Variants in AKT1S1 observed in about 807,000 individuals in gnomAD.
The protein encoded by AKT1S1 is AKT1 substrate 1.
Under a neutral mutation model 21.2 loss-of-function variants are expected in AKT1S1, and 17 were observed. The ratio of observed to expected loss-of-function variants is 0.80; its 90% CI spans 0.55 to 1.20. The LOEUF (loss-of-function observed/expected upper bound fraction) is 1.20, where lower values mean the gene tolerates loss of function less well. AKT1S1 is among the 50% of genes most tolerant of loss of function. AKT1S1 has a pLI of 0.00. For synonymous variants in AKT1S1, 181 were observed against 165.6 expected (o/e 1.09, Z -0.72); for missense variants, 366 against 368.3 (o/e 0.99, Z 0.05).
chr19:49,876,278 G>A, intron 1 of AKT1S1: 1 of 1,169,048 alleles, frequency 8.6e-7, no homozygotes, highest in Non-Finnish European at 1.1e-6. Flanking sequence ...AGGACCGGAA[G>A]TCCCGCCTTT....
intron 1 of AKT1S1, among the ~76,000 whole-genome samples, chr19:49,875,467 A>C (rs1480303862): frequency 6.6e-6 from 1 of 152,140 alleles, no homozygotes; most frequent in Admixed American, 6.5e-5. Context: ...AACCCCACTG[A>C]ACTGGGGGGT....
intron 2 of AKT1S1, 47 bp downstream of exon 2, chr19:49,872,870 G>A (rs767951267): frequency 4.5e-6 from 7 of 1,561,094 alleles, no homozygotes; most frequent in Admixed American, 3.6e-5. Context: ...CCTCCTGCGG[G>A]CACCTCAAGC....
At chr19:49,876,304 G>A in intron 1 of AKT1S1, 9 of 1,194,192 alleles carry the variant, frequency 7.5e-6, no homozygotes, top group Non-Finnish European at 9.3e-6. Context: ...GGTGAGGGGC[G>A]CCCCGAGGCC....
At chr19:49,872,595 C>T (rs1295010576) in intron 2 of AKT1S1, among the ~76,000 whole-genome samples, 1 of 152,126 alleles carries the variant, frequency 6.6e-6, no homozygotes, top group Non-Finnish European at 1.5e-5. Context: ...CATGACCTGC[C>T]CCAGAGCCTC....
intron 1 of AKT1S1, chr19:49,876,726 G>T: frequency 7.2e-7 from 1 of 1,397,182 alleles, no homozygotes; most frequent in South Asian, 1.5e-5. Flanking sequence ...CCTTATCGGG[G>T]CCGCCCGAGA....
At position 49,872,947 on chromosome 19, in the gene AKT1S1, C is replaced by T. The variant is rs200993018; in HGVS notation, c.349G>A (p.Gly117Arg). 402 of 1,603,652 alleles carry T rather than the reference C, an allele frequency of 2.5e-4. 3 individuals carry two copies. The East Asian group carries it at 7.9e-3, about 32-fold the overall frequency. The change falls in exon 2 of 5, where the codon GGG becomes AGG. Residue 117 changes from glycine to arginine, a missense_variant. Physicochemically the swap from Gly to Arg is moderately radical, Grantham distance 125. Coordinates refer to ENST00000344175, the MANE Select transcript of AKT1S1 (RefSeq NM_001098633.4). ...EDEPTETETS[G>R]EQLGISDNGG... ...TTATCACTAATGCCCAGCTGCTCCC[C>T]GGAGGTCTCTGTCTCTGTGGGCTCA...
intron 4 of AKT1S1, 44 bp from the exon 5 acceptor site, chr19:49,870,104 T>A: frequency 6.8e-7 from 1 of 1,462,380 alleles, no homozygotes; most frequent in South Asian, 1.4e-5. Flanking sequence ...GGCAGGGCAA[T>A]CCCCCTGCAC....
intron 4 of AKT1S1, 134 bp downstream of exon 4, chr19:49,871,413 C>A: frequency 8.2e-7 from 1 of 1,222,874 alleles, no homozygotes; most frequent in South Asian, 1.3e-5. Flanking sequence ...TCCAAGAACT[C>A]GCCTCTTGAG....
Position 49,873,541 on chromosome 19 carries a change from T to C in AKT1S1, c.-7-239A>G. ...ACCCATTCCTCCTGCCCCAAGTCAC[T>C]GTACTCCTTCCCCTTTGGCCCTGCC... On this transcript the variant is annotated intron_variant, in intron 1 of 4. Coordinates refer to ENST00000344175, the MANE Select transcript of AKT1S1 (RefSeq NM_001098633.4). This position sits in a 1 kb window ranked among gnomAD's most constrained non-coding sequence, Gnocchi z 6.9. 1 of 690,388 alleles carries C rather than the reference T, an allele frequency of 1.4e-6. No individual in the cohort carries two copies. Among genetic ancestry groups the C allele is most frequent in the Non-Finnish European group, 2.1e-6 (1 of 466,526 alleles). The allele number at this position is 690,388 out of a possible 1,614,324, so 42.8% of individuals were successfully genotyped here.
chr19:49,871,730 T>G lies in AKT1S1; in HGVS notation c.458-14A>C, dbSNP rs1600430794. On this transcript the variant is annotated splice_polypyrimidine_tract_variant and intron_variant, in intron 3 of 4. Coordinates refer to ENST00000344175, the MANE Select transcript of AKT1S1 (RefSeq NM_001098633.4). ...TCAGGCTGCCATCTGAAAGAGAGGG[T>G]GGACTTCAGCTTCTGTCCCTGCCTT... 6.2e-7 allele frequency: 1 copy of G among 1,611,442 alleles called. No individual in the cohort carries two copies. Among genetic ancestry groups the G allele is most frequent in the Middle Eastern group, 1.7e-4 (1 of 6,046 alleles).
Position 49,869,858 on chromosome 19 carries a change from G to A in AKT1S1, c.*59C>T, listed in dbSNP as rs1039718309. On this transcript the variant is annotated 3_prime_UTR_variant, in exon 5 of 5. Transcript: ENST00000344175. ...CTCAGATTAGCAGGCCCCGGGAGTGGGGCGGGGGCGTAGTGTGGGACGGGG... is the reference window on the plus strand; with the variant it reads ...CTCAGATTAGCAGGCCCCGGGAGTGAGGCGGGGGCGTAGTGTGGGACGGGG... The A allele has an allele frequency of 1.9e-4, 263 of 1,393,148 alleles. 4 individuals are homozygous for A. In the South Asian group the frequency reaches 2.5e-3, roughly 13 times the overall value. 86.3% of individuals were successfully genotyped at this position (1,393,148 alleles called of 1,614,324 possible).
chr19:49,878,264 T>G (rs1600441264), upstream of AKT1S1: 2 of 1,547,896 alleles, frequency 1.3e-6, no homozygotes, highest in African/African-American at 1.4e-5. Context: ...GGAGCAGGGC[T>G]CGGACCCGCT....
rs144219585 is a variant in AKT1S1, at chr19:49,877,330, T to C, written c.-101A>G. On this transcript the variant is annotated 5_prime_UTR_variant, in exon 1 of 5. An upstream open reading frame in the 5' UTR loses its in-frame stop. Transcript: ENST00000344175. ...TTAACATGGCCTTAGCTGACCGGCTTAGGCCATGCCCTCGAGCAAAATGGT... is the reference window on the plus strand; with the variant it reads ...TTAACATGGCCTTAGCTGACCGGCTCAGGCCATGCCCTCGAGCAAAATGGT... The C allele has an allele frequency of 1.0e-3, 245 of 244,398 alleles. 2 individuals carry two copies. The highest frequency in any genetic ancestry group is 5.3e-3 in the African/African-American group (234 of 44,428). 15.1% of individuals were successfully genotyped at this position (244,398 alleles called of 1,614,324 possible). A position where few individuals can be genotyped will look rare whatever the true frequency, so the allele number is the denominator to read the frequency against.
upstream of AKT1S1, chr19:49,878,104 C>G (rs3745485): frequency 0.01 from 15,536 of 1,517,524 alleles, 881 homozygotes; most frequent in Admixed American, 0.13. Context: ...CTGGTCCCCT[C>G]GCTTGGGCCC....
intron 1 of AKT1S1, chr19:49,876,884 A>G: frequency 2.3e-6 from 1 of 444,150 alleles, no homozygotes; most frequent in Non-Finnish European, 3.9e-6. Context: ...GACCACAGTA[A>G]ACGAAGGCAA....
At chr19:49,878,280 C>T, upstream of AKT1S1, 2 of 1,536,084 alleles carry the variant, frequency 1.3e-6, no homozygotes, top group Non-Finnish European at 1.8e-6. Flanking sequence ...CCGCTCCGAG[C>T]GGGATGCAGG....
At position 49,873,036 on chromosome 19, in the gene AKT1S1, G is replaced by A; in HGVS notation, c.260C>T (p.Pro87Leu). ...CCGGGGTGGGCTGGGTGTGGGACTG[G>A]GTGGCTGTGGTGCTGGTGGGGGCGC... ...PPAPPPAPQPPSPTPSPPRPT... is the reference protein window; with the variant it reads ...PPAPPPAPQPLSPTPSPPRPT... The change falls in exon 2 of 5, where the codon CCC (proline) becomes CTC (leucine). Residue 87 changes from proline (P) to leucine (L), a missense_variant. Physicochemically the swap from Pro to Leu is moderately conservative, Grantham distance 98. Coordinates refer to ENST00000344175, the MANE Select transcript of AKT1S1 (RefSeq NM_001098633.4). This position sits in a 1 kb window ranked among gnomAD's most constrained non-coding sequence, Gnocchi z 6.9. The A allele has an allele frequency of 6.4e-7, 1 of 1,560,572 alleles. No homozygotes were observed.
At position 49,873,259 on chromosome 19, in the gene AKT1S1, C is replaced by A; in HGVS notation, c.37G>T (p.Val13Leu). 1 of 1,533,308 alleles carries A rather than the reference C, an allele frequency of 6.5e-7. No individual in the cohort carries two copies. Among genetic ancestry groups the A allele is most frequent in the South Asian group, 1.2e-5 (1 of 83,926 alleles). The allele number at this position is 1,533,308 out of a possible 1,614,324, so 95.0% of individuals were successfully genotyped here. The change falls in exon 2 of 5, where the codon GTG becomes TTG. Residue 13 changes from valine (V) to leucine (L), a missense_variant. By Grantham distance (32) the Val-to-Leu change is conservative (BLOSUM62 1). Transcript: ENST00000344175. This position sits in a 1 kb window ranked among gnomAD's most constrained non-coding sequence, Gnocchi z 6.9. The stretch of plus-strand genomic sequence containing the variant: ...CGGAAGCGCTCAGCGGCCCCCACCA[C>A]GGCCTCCCACAGCTCCTCGGGGCGC... ...SGRPEELWEA[V>L]VGAAERFRAR...
Position 49,870,052 on chromosome 19 carries a change from C to A in AKT1S1, c.636G>T (p.Ser212=). The part of the protein sequence containing the change: ...SSDEENGPPS[S]PDLDRIAASM... ...TCGCCGCGATGCGGTCCAGGTCGGG[C>A]GAAGAGGGCTGCGGGGACGGCGACG... is the stretch of plus-strand genomic sequence containing the variant. Residue 212 remains serine, a synonymous_variant, in exon 5 of 5, where the codon TCG becomes TCT. Coordinates refer to ENST00000344175, the MANE Select transcript of AKT1S1 (RefSeq NM_001098633.4). 2 of 1,539,220 alleles carry A rather than the reference C, an allele frequency of 1.3e-6. No homozygotes were observed. Among genetic ancestry groups the A allele is most frequent in the Non-Finnish European group, 1.8e-6 (2 of 1,139,580 alleles).
Sources: allele counts gnomAD v4.1 joint callset (sites outside exome capture counted in the v4.1 genomes callset), GRCh38; gene constraint gnomAD v4.1.1; non-coding constraint Gnocchi (gnomAD v3.1); transcripts MANE v1.5; gene names NCBI Gene and HGNC (gene_info 2026-07-23, HGNC 2026-07-21).